The following DNAJC3 variants were observed in gnomAD, a reference collection of about 807,000 sequenced individuals.
DNAJC3 encodes DnaJ heat shock protein family (Hsp40) member C3.
A neutral mutation model predicts 68.6 loss-of-function variants in DNAJC3; 38 were observed. That is an observed-to-expected ratio of 0.55 (90% CI 0.43 to 0.73). The LOEUF (loss-of-function observed/expected upper bound fraction) is 0.73, where lower values mean the gene tolerates loss of function less well. Ranked by LOEUF, DNAJC3 falls within the 30% of genes least tolerant of loss-of-function variation. DNAJC3 has a pLI of 0.00. For missense variants in DNAJC3, 526 were observed against 591.9 expected (o/e 0.89, Z 1.16); for synonymous variants, 203 against 204.0 (o/e 1.00, Z 0.04).
chr13:95,768,750 G>A (rs2139682395), intron 9 of DNAJC3, among the ~76,000 whole-genome samples: 1 of 145,690 alleles, frequency 6.9e-6, no homozygotes, highest in South Asian at 2.1e-4. Context: ...CGAGGTGGGT[G>A]GATCACCTGA....
chr13:95,690,696 G>C (rs1445901125), intron 1 of DNAJC3, among the ~76,000 whole-genome samples: 1 of 147,314 alleles, frequency 6.8e-6, no homozygotes, highest in Non-Finnish European at 1.5e-5. Flanking sequence ...GGACGGGGCG[G>C]CTGGCTGGGC....
chr13:95,738,420 G>T (rs943771095), intron 4 of DNAJC3, among the ~76,000 whole-genome samples: 7 of 149,646 alleles, frequency 4.7e-5, no homozygotes, highest in Non-Finnish European at 7.4e-5. Flanking sequence ...GTTGACAGTG[G>T]GGTGTTAAAG....
At position 95,729,356 on chromosome 13, in the gene DNAJC3, C is replaced by T. The variant is rs142047600; in HGVS notation, c.393+4104C>T. Among the ~76,000 whole-genome samples the T allele has an allele frequency of 9.7e-3, 1,324 of 136,776 alleles. 11 individuals carry two copies. The highest frequency in any genetic ancestry group is 0.037 in the Middle Eastern group (10 of 272). 89.7% of individuals were successfully genotyped at this position (136,776 alleles called of 152,430 possible). A position where few individuals can be genotyped will look rare whatever the true frequency, so the allele number is the denominator to read the frequency against. ...TCCCTCTCCCTCTCCTTCTCCCCATCCTTCTCCCTCTGCCTATCCTTCTCC... is the reference window on the plus strand; with the variant it reads ...TCCCTCTCCCTCTCCTTCTCCCCATTCTTCTCCCTCTGCCTATCCTTCTCC... On this transcript the variant is annotated intron_variant, in intron 4 of 11. Transcript: ENST00000602402.
At position 95,784,791 on chromosome 13, in the gene DNAJC3, C is replaced by A. The variant is rs564836758; in HGVS notation, c.1076-1148C>A. On this transcript the variant is annotated intron_variant, in intron 9 of 11. Transcript: ENST00000602402. ...TTGACTCTCTTCTGCATATTAGATA[C>A]CCAGATGCCTTGTATTTTCTAAGTA... is the stretch of plus-strand genomic sequence containing the variant. 3.3e-5 allele frequency among the ~76,000 whole-genome samples: 5 copies of A among 152,106 alleles called. No individual in the cohort carries two copies. The East Asian group carries it at 7.7e-4, about 24-fold the overall frequency.
chr13:95,719,216 C>T (rs893382375), intron 2 of DNAJC3, among the ~76,000 whole-genome samples: 13 of 152,190 alleles, frequency 8.5e-5, no homozygotes, highest in African/African-American at 1.4e-4. Flanking sequence ...AGGGATATGG[C>T]GCTTCTTTGC....
chr13:95,690,886 T>G (rs1425357091), intron 1 of DNAJC3, among the ~76,000 whole-genome samples: 1 of 111,464 alleles, frequency 9.0e-6, no homozygotes. Flanking sequence ...CGCCCCTCAC[T>G]TCCCAGACGG....
Position 95,791,343 on chromosome 13 carries a change from GGAGCT to G in DNAJC3, c.*317_*321del. ...GTATTCTGTATTATTTTTCTACACT[GGAGCT>G]GAGATTCTTCTCTTCACAGCCTTGC... is the stretch of plus-strand genomic sequence containing the variant. On this transcript the variant is annotated 3_prime_UTR_variant, in exon 12 of 12. Transcript: ENST00000602402. 3.0e-6 allele frequency: 1 copy of G among 333,568 alleles called. No homozygotes were observed. Among genetic ancestry groups the G allele is most frequent in the South Asian group, 2.8e-5 (1 of 35,306 alleles). 20.7% of individuals were successfully genotyped at this position (333,568 alleles called of 1,614,324 possible).
chr13:95,754,978 G>A (rs947314382), intron 4 of DNAJC3, among the ~76,000 whole-genome samples: 2 of 152,114 alleles, frequency 1.3e-5, no homozygotes, highest in African/African-American at 4.8e-5. Context: ...GTTACAGGAA[G>A]GGATTTGGCA....
At chr13:95,722,407 A>G (rs1022402504) in intron 2 of DNAJC3, among the ~76,000 whole-genome samples, 1 of 152,142 alleles carries the variant, frequency 6.6e-6, no homozygotes, top group African/African-American at 2.4e-5. Flanking sequence ...ACCAATGTGC[A>G]TAGTCCACAT....
At chr13:95,740,116 G>C (rs1416765573) in intron 4 of DNAJC3, among the ~76,000 whole-genome samples, 3 of 152,212 alleles carry the variant, frequency 2.0e-5, no homozygotes, top group Non-Finnish European at 4.4e-5. Flanking sequence ...CTCCCAGTTA[G>C]GCTGCTCGGG....
At chr13:95,764,645 CATATATATATAT>C (rs755441205) in intron 9 of DNAJC3, among the ~76,000 whole-genome samples, 1,579 of 56,524 alleles carry the variant, frequency 0.028, 58 homozygotes, top group African/African-American at 0.078. Context: ...AAATAGAATC[CATATATATATAT>C]ATATATATAT....
chr13:95,742,976 A>C (rs1159001710), intron 4 of DNAJC3: 1 of 421,514 alleles, frequency 2.4e-6, no homozygotes, highest in Admixed American at 2.9e-5. Context: ...GTTTAGGTCG[A>C]AGTTCATTTG....
chr13:95,732,883 A>G (rs2139649840), intron 4 of DNAJC3, among the ~76,000 whole-genome samples: 1 of 152,012 alleles, frequency 6.6e-6, no homozygotes, highest in South Asian at 2.1e-4. Context: ...ATTTGTTTCA[A>G]AAAAATTTTT....
rs527330902 is a variant in DNAJC3 at position 95,760,205 on chromosome 13, C to A, written c.712C>A (p.His238Asn). 14 of 1,591,934 alleles carry A rather than the reference C, an allele frequency of 8.8e-6. No individual in the cohort carries two copies. The highest frequency in any genetic ancestry group is 6.9e-5 in the South Asian group (6 of 86,488). ...CACACTGTACTACCAACTAGGAGAC[C>A]ACGAACTGTCCCTCAGGTCAGTTCT... ...ISTLYYQLGDHELSLSEVREC... is the reference protein window; with the variant it reads ...ISTLYYQLGDNELSLSEVREC... Residue 238 changes from histidine to asparagine, a missense_variant, in exon 6 of 12, where the codon CAC becomes AAC. Coordinates refer to ENST00000602402, the MANE Select transcript of DNAJC3 (RefSeq NM_006260.5).
chr13:95,696,754 T>TC (rs1259448024), intron 1 of DNAJC3, among the ~76,000 whole-genome samples: 1 of 152,002 alleles, frequency 6.6e-6, no homozygotes, highest in Non-Finnish European at 1.5e-5. Context: ...GTCTTGTGTT[T>TC]TTTTTTTTTG....
intron 1 of DNAJC3, among the ~76,000 whole-genome samples, chr13:95,703,624 C>A (rs1357611417): frequency 6.6e-6 from 1 of 152,110 alleles, no homozygotes; most frequent in Non-Finnish European, 1.5e-5. Flanking sequence ...AGTGCATAGG[C>A]AAATTCACAA....
intron 4 of DNAJC3, among the ~76,000 whole-genome samples, chr13:95,739,995 G>A (rs1287890297): frequency 6.6e-6 from 1 of 152,092 alleles, no homozygotes; most frequent in Non-Finnish European, 1.5e-5. Flanking sequence ...TTTTTGGTGT[G>A]GATGTCCTTT....
intron 2 of DNAJC3, among the ~76,000 whole-genome samples, chr13:95,711,438 C>A (rs1020704173): frequency 8.5e-5 from 13 of 152,074 alleles, no homozygotes; most frequent in African/African-American, 3.1e-4. Context: ...CCGGAGGTTG[C>A]AGTGAGCCAA....
intron 2 of DNAJC3, among the ~76,000 whole-genome samples, chr13:95,712,450 T>C (rs1421355529): frequency 6.6e-6 from 1 of 151,770 alleles, no homozygotes; most frequent in African/African-American, 2.4e-5. Context: ...AATCTCAGCT[T>C]ACTGCAACCT....
Sources: gnomAD v4.1 joint callset for allele counts (sites outside exome capture counted in the v4.1 genomes callset) on GRCh38, gnomAD v4.1.1 for gene constraint, MANE v1.5 for transcripts, NCBI Gene and HGNC (gene_info 2026-07-23, HGNC 2026-07-21) for gene names.